Variants in MGAT4C observed in about 807,000 individuals in gnomAD.
The protein encoded by MGAT4C is MGAT4 family member C.
Under a neutral mutation model 40.1 loss-of-function variants are expected in MGAT4C, and 19 were observed. The ratio of observed to expected loss-of-function variants is 0.47; its 90% CI spans 0.33 to 0.70. MGAT4C has a LOEUF of 0.70. MGAT4C is among the 30% of genes least tolerant of loss of function. MGAT4C has a pLI of 0.02. For missense variants in MGAT4C, 491 were observed against 563.2 expected (o/e 0.87, Z 1.30); for synonymous variants, 181 against 187.1 (o/e 0.97, Z 0.27).
chr12:86,119,691 G>A (rs759802386), intron 1 of MGAT4C, among the ~76,000 whole-genome samples: 1 of 149,110 alleles, frequency 6.7e-6, no homozygotes, highest in Non-Finnish European at 1.5e-5. Context: ...TTACAGCGGT[G>A]AGCCACTATG....
chr12:86,428,289 A>G (rs1208056027), intron 3 of MGAT4C, among the ~76,000 whole-genome samples: 1 of 152,176 alleles, frequency 6.6e-6, no homozygotes, highest in East Asian at 1.9e-4. Flanking sequence ...GGCAGGTAAT[A>G]TAAGTAGGGT....
intron 2 of MGAT4C, among the ~76,000 whole-genome samples, chr12:86,634,426 TAGC>T (rs748181470): frequency 6.6e-6 from 1 of 152,144 alleles, no homozygotes; most frequent in Non-Finnish European, 1.5e-5. Flanking sequence ...GCCACAAGTT[TAGC>T]TGGTTAAAAC....
intron 2 of MGAT4C, among the ~76,000 whole-genome samples, chr12:86,446,365 T>A (rs1322369588): frequency 6.6e-6 from 1 of 151,878 alleles, no homozygotes; most frequent in Non-Finnish European, 1.5e-5. Context: ...ATGCACTTAT[T>A]TTTCTCAAAG....
At chr12:86,722,182 A>T (rs986122198) in intron 2 of MGAT4C, among the ~76,000 whole-genome samples, 13 of 152,104 alleles carry the variant, frequency 8.5e-5, no homozygotes, top group African/African-American at 3.1e-4. Flanking sequence ...TGACAGCAGG[A>T]GGGAGGGCAC....
intron 2 of MGAT4C, among the ~76,000 whole-genome samples, chr12:86,675,972 C>A (rs564301619): frequency 1.8e-3 from 267 of 144,840 alleles, no homozygotes; most frequent in Non-Finnish European, 2.0e-3. Context: ...GATAAAAAAG[C>A]AAAAAAAAAA....
At chr12:86,151,071 C>T (rs559659555) in intron 1 of MGAT4C, among the ~76,000 whole-genome samples, 1 of 152,278 alleles carries the variant, frequency 6.6e-6, no homozygotes, top group South Asian at 2.1e-4. Flanking sequence ...CTTAGCATAA[C>T]CTTTACTGCT....
intron 2 of MGAT4C, among the ~76,000 whole-genome samples, chr12:86,636,095 G>T (rs1963212145): frequency 6.6e-6 from 1 of 151,916 alleles, no homozygotes; most frequent in South Asian, 2.1e-4. Flanking sequence ...AGGAGCAATA[G>T]GCTAAACCAT....
In MGAT4C at chr12:86,384,980, C is replaced by T. The variant is rs534951746; in HGVS notation, c.-120+50177G>A. ...CTGACCTACTTAATTTCTCCTAACC[C>T]CCATCTTTGCCTAGATTCATTCAAA... On this transcript the variant is annotated intron_variant, in intron 3 of 7. Coordinates refer to the MGAT4C transcript ENST00000548651. Among the ~76,000 whole-genome samples the T allele has an allele frequency of 5.3e-5, 8 of 152,260 alleles. No homozygotes were observed. In the South Asian group the frequency reaches 1.7e-3, roughly 32 times the overall value.
chr12:86,623,388 G>T (rs938145735), intron 2 of MGAT4C, among the ~76,000 whole-genome samples: 3 of 151,944 alleles, frequency 2.0e-5, no homozygotes, highest in East Asian at 1.9e-4. Flanking sequence ...ACTAACAACA[G>T]GTCCATCTGA....
At chr12:86,259,478 C>T (rs117612211), upstream of MGAT4C, among the ~76,000 whole-genome samples, 1,825 of 151,654 alleles carry the variant, frequency 0.012, 15 homozygotes, top group Middle Eastern at 0.027. Flanking sequence ...CTTTAAGAAA[C>T]TACAAGAAAA....
At chr12:86,532,442 G>A (rs987769697) in intron 2 of MGAT4C, among the ~76,000 whole-genome samples, 4 of 151,936 alleles carry the variant, frequency 2.6e-5, no homozygotes, top group African/African-American at 4.8e-5. Flanking sequence ...GAATAGAAAT[G>A]GATTTTAACA....
intron 1 of MGAT4C, among the ~76,000 whole-genome samples, chr12:86,122,288 T>C (rs200269123): frequency 1.3e-5 from 2 of 152,282 alleles, no homozygotes; most frequent in East Asian, 3.9e-4. Context: ...TCAGGCACTA[T>C]AAAAATGTGC....
intron 2 of MGAT4C, among the ~76,000 whole-genome samples, chr12:86,672,151 T>TA (rs1328780469): frequency 7.2e-5 from 11 of 151,828 alleles, no homozygotes; most frequent in Admixed American, 3.9e-4. Flanking sequence ...ACTATACAAG[T>TA]ATATGGAAAT....
intron 1 of MGAT4C, among the ~76,000 whole-genome samples, chr12:86,116,231 A>G (rs959393054): frequency 1.3e-5 from 2 of 152,006 alleles, no homozygotes; most frequent in African/African-American, 4.8e-5. Flanking sequence ...GGAAGCAAGC[A>G]TAGGGGTAGA....
intron 4 of MGAT4C, among the ~76,000 whole-genome samples, chr12:86,319,349 C>G (rs142711228): frequency 6.6e-6 from 1 of 152,090 alleles, no homozygotes; most frequent in Non-Finnish European, 1.5e-5. Context: ...TGTACTGATA[C>G]CCCACATACA....
intron 2 of MGAT4C, among the ~76,000 whole-genome samples, chr12:86,012,137 T>C (rs1156601691): frequency 6.6e-6 from 1 of 152,214 alleles, no homozygotes; most frequent in African/African-American, 2.4e-5. Flanking sequence ...CTCAGGATGA[T>C]ACATCATCTT....
At chr12:86,087,240 T>C (rs1334141516) in intron 1 of MGAT4C, among the ~76,000 whole-genome samples, 1 of 152,084 alleles carries the variant, frequency 6.6e-6, no homozygotes, top group Non-Finnish European at 1.5e-5. Flanking sequence ...AGAACCTCAA[T>C]ACTGTTCTCC....
At chr12:86,604,066 A>T (rs1961953932) in intron 2 of MGAT4C, among the ~76,000 whole-genome samples, 1 of 151,990 alleles carries the variant, frequency 6.6e-6, no homozygotes, top group Admixed American at 6.6e-5. Context: ...GAGTTGCTGT[A>T]GTTGTGAACA....
intron 1 of MGAT4C, among the ~76,000 whole-genome samples, chr12:86,792,432 C>A (rs1440784037): frequency 2.0e-5 from 3 of 152,070 alleles, no homozygotes; most frequent in Admixed American, 2.0e-4. Context: ...GCACTGCTAT[C>A]ATGGATTTTA....
Sources: allele counts gnomAD v4.1 joint callset (sites outside exome capture counted in the v4.1 genomes callset), GRCh38; gene constraint gnomAD v4.1.1; transcripts MANE v1.5; gene names NCBI Gene and HGNC (gene_info 2026-07-23, HGNC 2026-07-21).